The following AIG1 variants were observed in gnomAD, a reference collection of about 807,000 sequenced individuals.
AIG1 encodes the protein androgen-induced gene 1 protein.
A neutral mutation model predicts 31.4 loss-of-function variants in AIG1; 23 were observed. That is an observed-to-expected ratio of 0.73 (90% confidence interval 0.53 to 1.04). AIG1 has a LOEUF of 1.04. Among genes scored for constraint, AIG1 ranks in the 50% least tolerant of loss-of-function variants. AIG1 has a pLI of 0.00. For synonymous variants in AIG1, 100 were observed against 110.5 expected (o/e 0.90, Z 0.60); for missense variants, 274 against 295.0 (o/e 0.93, Z 0.52).
chr6:143,216,041 T>TA (rs1455293845), intron 3 of AIG1, among the ~76,000 whole-genome samples: 3 of 152,162 alleles, frequency 2.0e-5, no homozygotes, highest in African/African-American at 7.2e-5. Context: ...ATCCCTGCTC[T>TA]GAGGCACTGT....
At chr6:143,190,562 A>G in intron 3 of AIG1, 2 of 985,324 alleles carry the variant, frequency 2.0e-6, no homozygotes, top group Non-Finnish European at 2.4e-6. Flanking sequence ...ATTTTTGTGT[A>G]TGTGAATAAA....
At chr6:143,304,535 T>C (rs1003622965) in intron 4 of AIG1, among the ~76,000 whole-genome samples, 1 of 152,206 alleles carries the variant, frequency 6.6e-6, no homozygotes, top group African/African-American at 2.4e-5. Flanking sequence ...CATTTATTGA[T>C]TTGTGTATAT....
At chr6:143,138,038 G>C (rs560062281) in intron 2 of AIG1, among the ~76,000 whole-genome samples, 2 of 152,274 alleles carry the variant, frequency 1.3e-5, no homozygotes, top group East Asian at 3.9e-4. Flanking sequence ...AGACCAATTA[G>C]TAGACACTCA....
chr6:143,065,619 G>C (rs1241477420), intron 1 of AIG1, among the ~76,000 whole-genome samples: 13 of 152,142 alleles, frequency 8.5e-5, no homozygotes, highest in Non-Finnish European at 1.9e-4. Flanking sequence ...GTAGTATTTG[G>C]GGTATAATAG....
intron 1 of AIG1, among the ~76,000 whole-genome samples, chr6:143,105,522 T>C (rs1275360997): frequency 6.6e-6 from 1 of 152,088 alleles, no homozygotes; most frequent in Non-Finnish European, 1.5e-5. Context: ...GGAGAGTGGG[T>C]TTTACTGAGA....
chr6:143,230,355 A>G (rs1793350641), intron 3 of AIG1, among the ~76,000 whole-genome samples: 1 of 151,004 alleles, frequency 6.6e-6, no homozygotes, highest in Admixed American at 6.6e-5. Context: ...ACTATCTTAT[A>G]TGTTATAGTT....
At chr6:143,253,809 A>G (rs1464117537) in intron 3 of AIG1, among the ~76,000 whole-genome samples, 3 of 152,204 alleles carry the variant, frequency 2.0e-5, no homozygotes, top group Non-Finnish European at 4.4e-5. Flanking sequence ...TTAATCCCCT[A>G]TCACGAAGTT....
intron 4 of AIG1, among the ~76,000 whole-genome samples, chr6:143,289,502 G>T (rs957321034): frequency 6.6e-6 from 1 of 152,116 alleles, no homozygotes; most frequent in Non-Finnish European, 1.5e-5. Context: ...TTGGCCCAGA[G>T]GGGGTCCATT....
chr6:143,156,012 C>T (rs918107526), intron 2 of AIG1, among the ~76,000 whole-genome samples: 2 of 152,106 alleles, frequency 1.3e-5, no homozygotes, highest in African/African-American at 4.8e-5. Flanking sequence ...ACATTAGAGC[C>T]TGAAGCTGGG....
At chr6:143,335,921 C>T (rs1185639283) in intron 5 of AIG1, among the ~76,000 whole-genome samples, 2 of 150,242 alleles carry the variant, frequency 1.3e-5, no homozygotes, top group African/African-American at 2.5e-5. Flanking sequence ...ACACTCCATC[C>T]TGAGCCACAG....
At chr6:143,283,179 T>A (rs1797463886) in intron 3 of AIG1, among the ~76,000 whole-genome samples, 1 of 152,254 alleles carries the variant, frequency 6.6e-6, no homozygotes, top group East Asian at 1.9e-4. Context: ...GGTTTAAGAA[T>A]TTTAGTTTCC....
At chr6:143,323,809 A>T (rs1379644989) in intron 4 of AIG1, among the ~76,000 whole-genome samples, 1 of 152,196 alleles carries the variant, frequency 6.6e-6, no homozygotes, top group African/African-American at 2.4e-5. Context: ...TGAATAAATG[A>T]ATGAGTGCAT....
chr6:143,061,060 TG>T lies in AIG1; in HGVS notation c.136del (p.Asp46IlefsTer14). On this transcript the variant is annotated frameshift_variant, in exon 1 of 6. Transcript: ENST00000357847. LOFTEE classifies it high-confidence loss of function. ...GGSWKFLTFIDLVIQAVFFGI... is the reference protein window; with the variant it reads ...GGSWKFLTFIXLVIQAVFFGI... The stretch of plus-strand genomic sequence containing the variant: ...GGAGCTGGAAATTCCTGACGTTCAT[TG>T]ATCTGGTAAGGCCGTCCCCTCCCCC... 6.2e-7 allele frequency: 1 copy of T among 1,612,672 alleles called. No individual in the cohort carries two copies. The highest frequency in any genetic ancestry group is 8.5e-7 in the Non-Finnish European group (1 of 1,179,316).
Position 143,339,738 on chromosome 6 carries a change from A to T in AIG1, c.*62A>T. 6.3e-7 allele frequency: 1 copy of T among 1,576,558 alleles called. No individual in the cohort carries two copies. The highest frequency in any genetic ancestry group is 1.1e-5 in the South Asian group (1 of 87,770). On this transcript the variant is annotated 3_prime_UTR_variant, in exon 6 of 6. Transcript: ENST00000357847. Reference sequence around the variant, plus strand: ...CATTGAAGACTCCTTCCCCTCGGGCATTGGCAGTGGGGGAGAAAAGGCTTC... The same window carrying T: ...CATTGAAGACTCCTTCCCCTCGGGCTTTGGCAGTGGGGGAGAAAAGGCTTC...
chr6:143,304,927 A>G (rs1262943932), intron 4 of AIG1, among the ~76,000 whole-genome samples: 1 of 152,152 alleles, frequency 6.6e-6, no homozygotes, highest in African/African-American at 2.4e-5. Context: ...CTATTCAGAG[A>G]TTCAACTTCT....
In AIG1 at chr6:143,256,605, C is replaced by T. The variant is rs1052617062; in HGVS notation, c.400-27505C>T. On this transcript the variant is annotated intron_variant, in intron 3 of 5. Transcript: ENST00000357847. The surrounding 1 kb of genome is among the most constrained non-coding windows in gnomAD (Gnocchi z 4.6). ...GACATCGAGCAGATAAAAATGGAAC[C>T]GTTACAGCTGAAATAGGGTGGGAAA... Among the ~76,000 whole-genome samples the T allele has an allele frequency of 6.6e-5, 10 of 152,274 alleles. No homozygotes were observed. Among genetic ancestry groups the T allele is most frequent in the African/African-American group, 1.9e-4 (8 of 41,546 alleles).
chr6:143,335,147 G>T, intron 5 of AIG1: 2 of 1,377,226 alleles, frequency 1.5e-6, no homozygotes, highest in South Asian at 4.0e-5. Flanking sequence ...TTACAAGAGG[G>T]GTCACAAACT....
At chr6:143,312,934 G>T (rs191800096) in intron 4 of AIG1, among the ~76,000 whole-genome samples, 1 of 152,082 alleles carries the variant, frequency 6.6e-6, no homozygotes, top group African/African-American at 2.4e-5. Context: ...CATACAAATG[G>T]CTAACTGGTA....
In AIG1 at chr6:143,325,563, A is replaced by G. The variant is rs140422893; in HGVS notation, c.516-7719A>G. On this transcript the variant is annotated intron_variant, in intron 4 of 5. Coordinates refer to ENST00000357847, the MANE Select transcript of AIG1 (RefSeq NM_016108.4). The surrounding 1 kb of genome is among the most constrained non-coding windows in gnomAD (Gnocchi z 4.3). ...AGCATTCCCTCTCTCAGGAAATGGC[A>G]GCTGTTTCCACCCTGCTAATCAAGC... Among the ~76,000 whole-genome samples the G allele has an allele frequency of 6.6e-6, 1 of 152,328 alleles. No homozygotes were observed. Among genetic ancestry groups the G allele is most frequent in the Non-Finnish European group, 1.5e-5 (1 of 68,022 alleles).
Sources: allele counts gnomAD v4.1 joint callset (sites outside exome capture counted in the v4.1 genomes callset), GRCh38; gene constraint gnomAD v4.1.1; non-coding constraint Gnocchi (gnomAD v3.1); transcripts MANE v1.5; gene names NCBI Gene and HGNC (gene_info 2026-07-23, HGNC 2026-07-21).